The following PPP2R2B variants were observed in gnomAD, a reference collection of about 807,000 sequenced individuals.
PPP2R2B encodes protein phosphatase 2 regulatory subunit Bbeta.
In PPP2R2B, 5 loss-of-function variants were observed where a neutral mutation model predicts 46.0. The ratio of observed to expected loss-of-function variants is 0.11; its 90% CI spans 0.06 to 0.23. PPP2R2B has a LOEUF of 0.23. Among genes scored for constraint, PPP2R2B ranks in the 10% least tolerant of loss-of-function variants. The pLI is 1.00. For missense variants in PPP2R2B, 367 were observed against 575.0 expected, an observed-to-expected ratio of 0.64 and a Z score of 3.70; for synonymous variants, 215 against 206.7, an observed-to-expected ratio of 1.04 and a Z score of -0.34.
At chr5:146,766,311 A>C (rs1225365939) in intron 2 of PPP2R2B, among the ~76,000 whole-genome samples, 3 of 152,232 alleles carry the variant, frequency 2.0e-5, no homozygotes, top group Admixed American at 2.0e-4. Context: ...CTGGGAAAAA[A>C]AAGAGAAAAT....
intron 1 of PPP2R2B, among the ~76,000 whole-genome samples, chr5:146,954,948 G>A (rs1751816811): frequency 2.0e-5 from 3 of 152,058 alleles, no homozygotes; most frequent in African/African-American, 7.2e-5. Context: ...AATAGCCAGA[G>A]TTTCTCTGAA....
chr5:147,007,192 G>T (rs1754479667), intron 1 of PPP2R2B, among the ~76,000 whole-genome samples: 2 of 152,136 alleles, frequency 1.3e-5, no homozygotes, highest in Admixed American at 6.5e-5. Flanking sequence ...CACTACAACT[G>T]CAGGGCCCCT....
chr5:147,069,219 A>T (rs1312147413), intron 2 of PPP2R2B, among the ~76,000 whole-genome samples: 1 of 152,182 alleles, frequency 6.6e-6, no homozygotes, highest in East Asian at 1.9e-4. Flanking sequence ...CAGACCACAG[A>T]CAGCATTTTA....
intron 1 of PPP2R2B, among the ~76,000 whole-genome samples, chr5:146,988,575 T>C (rs1013596859): frequency 2.0e-5 from 3 of 151,680 alleles, no homozygotes; most frequent in Non-Finnish European, 3.0e-5. Flanking sequence ...CAAATGAAAA[T>C]GGAAACAAAA....
At chr5:146,829,868 T>A (rs927118272) in intron 2 of PPP2R2B, among the ~76,000 whole-genome samples, 3 of 152,210 alleles carry the variant, frequency 2.0e-5, no homozygotes, top group Non-Finnish European at 2.9e-5. Context: ...AATTGGCTAG[T>A]AGTTTAGGTT....
chr5:146,996,354 A>C (rs1166024816), intron 1 of PPP2R2B, among the ~76,000 whole-genome samples: 2 of 152,188 alleles, frequency 1.3e-5, no homozygotes, highest in Admixed American at 6.5e-5. Context: ...AGTGTAGGGT[A>C]TAATTAGATA....
intron 2 of PPP2R2B, among the ~76,000 whole-genome samples, chr5:146,744,443 TCTTTC>T (rs1753055102): frequency 6.6e-6 from 1 of 152,224 alleles, no homozygotes; most frequent in Non-Finnish European, 1.5e-5. Context: ...GAATTCATTC[TCTTTC>T]CTCCTCCAGT....
At chr5:147,048,843 T>G (rs1457777495) in intron 1 of PPP2R2B, among the ~76,000 whole-genome samples, 1 of 152,184 alleles carries the variant, frequency 6.6e-6, no homozygotes. Flanking sequence ...CACAAATATT[T>G]ATTATATGCT....
chr5:146,998,375 CTTAA>C (rs897725690), intron 1 of PPP2R2B, among the ~76,000 whole-genome samples: 5 of 152,110 alleles, frequency 3.3e-5, no homozygotes. Context: ...AGTAAATATC[CTTAA>C]TTGAGTCGGA....
In PPP2R2B at chr5:146,688,262, T is replaced by C. The variant is rs2151148143; in HGVS notation, c.447+2866A>G. Among the ~76,000 whole-genome samples the C allele has an allele frequency of 1.4e-5, 2 of 147,778 alleles. 1 individual carries two copies. The highest frequency in any genetic ancestry group is 5.0e-5 in the African/African-American group (2 of 40,018). Reference sequence around the variant, plus strand: ...ATGTCCCTCCAAAATATAACAGAGGTTATATAGCAAATATAACATGTCTCT... The same window carrying C: ...ATGTCCCTCCAAAATATAACAGAGGCTATATAGCAAATATAACATGTCTCT... On this transcript the variant is annotated intron_variant, in intron 5 of 9. Transcript: ENST00000394411.
chr5:146,666,887 A>G (rs1051550802), intron 5 of PPP2R2B, among the ~76,000 whole-genome samples: 11 of 152,184 alleles, frequency 7.2e-5, no homozygotes, highest in African/African-American at 2.7e-4. Flanking sequence ...TCTTTTTTCA[A>G]ATGAAGTAAT....
intron 2 of PPP2R2B, among the ~76,000 whole-genome samples, chr5:146,856,871 G>A (rs1760703300): frequency 6.6e-6 from 1 of 152,126 alleles, no homozygotes; most frequent in African/African-American, 2.4e-5. Context: ...AGCAGCAGTA[G>A]GATTACCTGG....
At chr5:146,953,531 G>A (rs1424812582) in intron 1 of PPP2R2B, among the ~76,000 whole-genome samples, 1 of 152,106 alleles carries the variant, frequency 6.6e-6, no homozygotes, top group Non-Finnish European at 1.5e-5. Flanking sequence ...TGGTGTTAAT[G>A]GAGTTGGTCA....
chr5:146,737,675 T>C (rs1184115242), intron 2 of PPP2R2B, among the ~76,000 whole-genome samples: 3 of 152,320 alleles, frequency 2.0e-5, no homozygotes, highest in South Asian at 2.1e-4. Flanking sequence ...TTATTTAGTA[T>C]ATAAGCCTTT....
chr5:146,590,967 C>G (rs1770586948), intron 9 of PPP2R2B, among the ~76,000 whole-genome samples: 1 of 152,016 alleles, frequency 6.6e-6, no homozygotes, highest in Non-Finnish European at 1.5e-5. Context: ...ATAAGTTATC[C>G]CCTCTTAGGC....
At chr5:146,874,832 A>C (rs939219876) in intron 2 of PPP2R2B, among the ~76,000 whole-genome samples, 4 of 152,172 alleles carry the variant, frequency 2.6e-5, no homozygotes, top group African/African-American at 4.8e-5. Context: ...CTGAAAAAAA[A>C]AATCAAACCA....
chr5:146,796,600 C>T (rs1470640599), intron 2 of PPP2R2B, among the ~76,000 whole-genome samples: 1 of 152,162 alleles, frequency 6.6e-6, no homozygotes, highest in Non-Finnish European at 1.5e-5. Flanking sequence ...CAACAAATAC[C>T]TAGCAGAGGA....
At chr5:146,865,744 T>C (rs1230252410) in intron 2 of PPP2R2B, among the ~76,000 whole-genome samples, 2 of 152,170 alleles carry the variant, frequency 1.3e-5, no homozygotes, top group African/African-American at 4.8e-5. Flanking sequence ...ACATCTCTAA[T>C]CTCCAGCTCA....
intron 1 of PPP2R2B, among the ~76,000 whole-genome samples, chr5:147,009,931 AT>A (rs1423757788): frequency 1.3e-5 from 2 of 151,486 alleles, no homozygotes; most frequent in East Asian, 1.9e-4. Context: ...TAATTTAAGC[AT>A]TTTTTATACT....
Sources: gnomAD v4.1 joint callset for allele counts (sites outside exome capture counted in the v4.1 genomes callset) on GRCh38, gnomAD v4.1.1 for gene constraint, MANE v1.5 for transcripts, NCBI Gene and HGNC (gene_info 2026-07-23, HGNC 2026-07-21) for gene names.